Variants in SLC24A3 observed in about 807,000 individuals in gnomAD.
SLC24A3 encodes sodium/potassium/calcium exchanger 3.
SLC24A3 carries 28 observed loss-of-function variants against 75.8 expected under a neutral mutation model. The ratio of observed to expected loss-of-function variants is 0.37; its 90% CI spans 0.27 to 0.51. SLC24A3 has a LOEUF of 0.51. SLC24A3 is among the 20% of genes least tolerant of loss of function. SLC24A3 has a pLI of 0.94. For missense variants in SLC24A3, 663 were observed against 847.8 expected (o/e 0.78, Z 2.71); for synonymous variants, 372 against 334.1 (o/e 1.11, Z -1.24).
chr20:19,324,237 G>C (rs1166972324), intron 2 of SLC24A3, among the ~76,000 whole-genome samples: 1 of 152,166 alleles, frequency 6.6e-6, no homozygotes, highest in Non-Finnish European at 1.5e-5. Flanking sequence ...TGGATGTTGG[G>C]GGGCAAGTTT....
At chr20:19,307,455 A>G (rs1293557810) in intron 2 of SLC24A3, among the ~76,000 whole-genome samples, 2 of 152,220 alleles carry the variant, frequency 1.3e-5, no homozygotes, top group Non-Finnish European at 2.9e-5. Context: ...AGAAAAGATA[A>G]AACGTTTTTA....
At chr20:19,623,036 T>A (rs1185604223) in intron 6 of SLC24A3, among the ~76,000 whole-genome samples, 2 of 152,202 alleles carry the variant, frequency 1.3e-5, no homozygotes, top group Non-Finnish European at 2.9e-5. Flanking sequence ...ACCTCCCACT[T>A]GGTCCCACCT....
At chr20:19,337,595 G>A (rs1435780794) in intron 2 of SLC24A3, among the ~76,000 whole-genome samples, 1 of 152,152 alleles carries the variant, frequency 6.6e-6, no homozygotes, top group Non-Finnish European at 1.5e-5. Context: ...ATGTGTCTTG[G>A]GGAAAGATTC....
intron 6 of SLC24A3, among the ~76,000 whole-genome samples, chr20:19,623,959 C>T (rs910622646): frequency 1.3e-5 from 2 of 152,324 alleles, no homozygotes; most frequent in East Asian, 3.9e-4. Context: ...AGCATGCTTT[C>T]TTCTCCACAA....
At chr20:19,445,627 G>A (rs1987369069) in intron 2 of SLC24A3, among the ~76,000 whole-genome samples, 1 of 152,162 alleles carries the variant, frequency 6.6e-6, no homozygotes, top group Admixed American at 6.5e-5. Context: ...GCACACATGG[G>A]GAAGTGGGAT....
rs72580544 is a variant in SLC24A3, at chr20:19,325,721, C to CAT, written c.271+44645_271+44646dup. Among the ~76,000 whole-genome samples the CAT allele has an allele frequency of 3.8e-3, 448 of 118,888 alleles. 5 individuals carry two copies. Among genetic ancestry groups the CAT allele is most frequent in the African/African-American group, 0.014 (386 of 27,946 alleles). 78.0% of individuals were successfully genotyped at this position (118,888 alleles called of 152,430 possible). A position where few individuals can be genotyped will look rare whatever the true frequency, so the allele number is the denominator to read the frequency against. On this transcript the variant is annotated intron_variant, in intron 2 of 16. Coordinates refer to ENST00000328041, the MANE Select transcript of SLC24A3 (RefSeq NM_020689.4). Reference sequence around the variant, plus strand: ...GGATTTTGGAATATTTGCAAATATGCATATATATATATGTGTGTGTGTGTG... The same window carrying CAT: ...GGATTTTGGAATATTTGCAAATATGCATATATATATATATGTGTGTGTGTGTG...
chr20:19,579,037 A>G (rs2069143), intron 3 of SLC24A3, among the ~76,000 whole-genome samples: 2 of 152,300 alleles, frequency 1.3e-5, no homozygotes, highest in East Asian at 1.9e-4. Context: ...AATTGGGCCA[A>G]CCTAGGTCAT....
chr20:19,443,325 T>C (rs1315599259), intron 2 of SLC24A3, among the ~76,000 whole-genome samples: 2 of 152,208 alleles, frequency 1.3e-5, no homozygotes, highest in African/African-American at 4.8e-5. Flanking sequence ...ATGGAATGTC[T>C]CTCCTTTTTT....
intron 6 of SLC24A3, among the ~76,000 whole-genome samples, chr20:19,629,747 T>A (rs1224566880): frequency 1.3e-5 from 2 of 152,204 alleles, no homozygotes. Context: ...ATTGGGATGA[T>A]ATATTCAAAG....
intron 2 of SLC24A3, among the ~76,000 whole-genome samples, chr20:19,396,245 A>C (rs1281160271): frequency 1.3e-5 from 2 of 152,250 alleles, no homozygotes; most frequent in East Asian, 3.8e-4. Flanking sequence ...ATGAGTATAC[A>C]AGGTTTATTA....
chr20:19,557,454 A>T (rs777686419), intron 3 of SLC24A3, among the ~76,000 whole-genome samples: 15 of 152,184 alleles, frequency 9.9e-5, no homozygotes, highest in Non-Finnish European at 1.9e-4. Flanking sequence ...GTTACTAAAC[A>T]TTTGCAAGCT....
chr20:19,570,943 T>C (rs2031041980), intron 3 of SLC24A3, among the ~76,000 whole-genome samples: 1 of 152,122 alleles, frequency 6.6e-6, no homozygotes, highest in South Asian at 2.1e-4. Context: ...AGCCTCAGTC[T>C]TAAGAGAGGT....
intron 2 of SLC24A3, among the ~76,000 whole-genome samples, chr20:19,482,091 G>A (rs1476179510): frequency 6.6e-6 from 1 of 152,044 alleles, no homozygotes; most frequent in African/African-American, 2.4e-5. Context: ...CTGTACACAT[G>A]ACAGCCAGAA....
chr20:19,427,457 A>G (rs1240747807), intron 2 of SLC24A3, among the ~76,000 whole-genome samples: 1 of 152,236 alleles, frequency 6.6e-6, no homozygotes, highest in African/African-American at 2.4e-5. Flanking sequence ...GTAAAAATGT[A>G]AATACTGTTT....
intron 12 of SLC24A3, among the ~76,000 whole-genome samples, chr20:19,686,621 T>C (rs2032678874): frequency 6.6e-6 from 1 of 152,228 alleles, no homozygotes; most frequent in South Asian, 2.1e-4. Context: ...TGATAGGACA[T>C]GGTGCCGAGT....
intron 1 of SLC24A3, among the ~76,000 whole-genome samples, chr20:19,217,946 A>T (rs976995460): frequency 6.6e-6 from 1 of 152,082 alleles, no homozygotes. Context: ...CACAGTTGGT[A>T]ATTATGTGTT....
At chr20:19,580,381 A>T (rs2031201981) in intron 4 of SLC24A3, among the ~76,000 whole-genome samples, 1 of 151,620 alleles carries the variant, frequency 6.6e-6, no homozygotes, top group South Asian at 2.1e-4. Context: ...TTTCCTTTTA[A>T]ACTCACTCTT....
intron 6 of SLC24A3, among the ~76,000 whole-genome samples, chr20:19,634,785 G>T (rs926257574): frequency 3.9e-5 from 6 of 152,122 alleles, no homozygotes; most frequent in Non-Finnish European, 8.8e-5. Context: ...ACACTTTTCT[G>T]TGTGGTAGAA....
chr20:19,664,295 A>T (rs6046235), intron 7 of SLC24A3, among the ~76,000 whole-genome samples: 149,567 of 152,346 alleles, frequency 0.98, 73,440 homozygotes, highest in East Asian at 1. Flanking sequence ...GGGGTTGGGT[A>T]CCATGCCATT....
Sources: allele counts gnomAD v4.1 joint callset (sites outside exome capture counted in the v4.1 genomes callset), GRCh38; gene constraint gnomAD v4.1.1; transcripts MANE v1.5; gene names NCBI Gene and HGNC (gene_info 2026-07-23, HGNC 2026-07-21).